The following CACNA2D3 variants were observed in gnomAD, a reference collection of about 807,000 sequenced individuals.
The protein encoded by CACNA2D3 is voltage-dependent calcium channel subunit alpha-2/delta-3.
A neutral mutation model predicts 160.6 loss-of-function variants in CACNA2D3; 60 were observed. The observed-to-expected ratio is 0.37, with a 90% CI of 0.30 to 0.46. CACNA2D3 has a LOEUF of 0.46. Ranked by LOEUF, CACNA2D3 falls within the 20% of genes least tolerant of loss-of-function variation. The probability of loss-of-function intolerance (pLI) is 1.00; values close to 1 mark genes in which losing one functional copy is unlikely to be tolerated. For missense variants in CACNA2D3, 1,205 were observed against 1,365.0 expected (o/e 0.88, Z 1.85); for synonymous variants, 558 against 492.9 (o/e 1.13, Z -1.75).
At chr3:54,810,938 A>G (rs919545118) in intron 13 of CACNA2D3, among the ~76,000 whole-genome samples, 2 of 152,266 alleles carry the variant, frequency 1.3e-5, no homozygotes, top group South Asian at 4.2e-4. Flanking sequence ...TCTTCCTCAC[A>G]TCTCCTTTGT....
chr3:54,985,875 A>G (rs1361590863), intron 30 of CACNA2D3, among the ~76,000 whole-genome samples: 6 of 152,166 alleles, frequency 3.9e-5, no homozygotes, highest in African/African-American at 1.2e-4. Context: ...TGGTTGCGCT[A>G]TTGAGACTCA....
intron 2 of CACNA2D3, among the ~76,000 whole-genome samples, chr3:54,293,436 G>A (rs1251251430): frequency 1.3e-5 from 2 of 152,078 alleles, no homozygotes; most frequent in Admixed American, 6.6e-5. Flanking sequence ...CCATTTATGA[G>A]TGAGAACATA....
At chr3:54,213,737 A>G (rs1220476291) in intron 2 of CACNA2D3, among the ~76,000 whole-genome samples, 1 of 152,236 alleles carries the variant, frequency 6.6e-6, no homozygotes, top group Non-Finnish European at 1.5e-5. Flanking sequence ...TTCTAATACT[A>G]GGAAAAGATA....
chr3:54,255,613 G>A (rs571449864), intron 2 of CACNA2D3, among the ~76,000 whole-genome samples: 10 of 152,030 alleles, frequency 6.6e-5, no homozygotes, highest in Non-Finnish European at 1.3e-4. Flanking sequence ...TCCTTTGCTT[G>A]CAAGTCCAGC....
intron 27 of CACNA2D3, among the ~76,000 whole-genome samples, chr3:54,900,198 G>A (rs1472748372): frequency 6.6e-6 from 1 of 152,164 alleles, no homozygotes; most frequent in Non-Finnish European, 1.5e-5. Flanking sequence ...CAGCTTCTGT[G>A]TCATTAGGAT....
At chr3:54,816,792 T>A in intron 13 of CACNA2D3, 61 bp from the exon 14 acceptor site, 1 of 1,581,374 alleles carries the variant, frequency 6.3e-7, no homozygotes. Flanking sequence ...GCTTTACCAT[T>A]AATTACTTAT....
chr3:54,626,502 C>T, intron 9 of CACNA2D3: 2 of 1,607,906 alleles, frequency 1.2e-6, no homozygotes, highest in Middle Eastern at 1.7e-4. Context: ...TGGGCGTCTA[C>T]AACGGCAAGA....
At chr3:54,938,457 A>C (rs1320598358) in intron 27 of CACNA2D3, among the ~76,000 whole-genome samples, 1 of 152,186 alleles carries the variant, frequency 6.6e-6, no homozygotes, top group African/African-American at 2.4e-5. Context: ...GCACCATGCT[A>C]ACATAATCCT....
intron 2 of CACNA2D3, among the ~76,000 whole-genome samples, chr3:54,314,249 T>C (rs1389383021): frequency 1.3e-5 from 2 of 152,244 alleles, no homozygotes; most frequent in Non-Finnish European, 2.9e-5. Flanking sequence ...TCCCTATTTA[T>C]GGCTGAATAA....
At chr3:54,342,343 A>G (rs1698372842) in intron 3 of CACNA2D3, among the ~76,000 whole-genome samples, 1 of 152,198 alleles carries the variant, frequency 6.6e-6, no homozygotes, top group Admixed American at 6.5e-5. Context: ...TGAGTTAGTA[A>G]TAGAAATCTA....
chr3:54,565,507 T>G (rs776284999), intron 6 of CACNA2D3, among the ~76,000 whole-genome samples: 8 of 152,170 alleles, frequency 5.3e-5, no homozygotes, highest in Non-Finnish European at 2.9e-5. Flanking sequence ...GTAACTCTCT[T>G]GTGTCTCTCA....
At chr3:54,524,568 A>T (rs181614003) in intron 5 of CACNA2D3, among the ~76,000 whole-genome samples, 1 of 152,170 alleles carries the variant, frequency 6.6e-6, no homozygotes, top group African/African-American at 2.4e-5. Context: ...TTTACTCTGT[A>T]TTCAAAGTGA....
intron 4 of CACNA2D3, among the ~76,000 whole-genome samples, chr3:54,401,517 A>C (rs1180564897): frequency 6.6e-6 from 1 of 152,218 alleles, no homozygotes; most frequent in Non-Finnish European, 1.5e-5. Context: ...GTGTCAGGTC[A>C]CATATAAGGG....
chr3:54,418,470 T>C (rs903596825), intron 4 of CACNA2D3, among the ~76,000 whole-genome samples: 3 of 152,008 alleles, frequency 2.0e-5, no homozygotes, highest in Non-Finnish European at 2.9e-5. Flanking sequence ...GAAATCCAGG[T>C]CAAGAAGAAT....
At chr3:54,192,181 C>T (rs1700996895) in intron 2 of CACNA2D3, among the ~76,000 whole-genome samples, 1 of 151,874 alleles carries the variant, frequency 6.6e-6, no homozygotes, top group African/African-American at 2.4e-5. Flanking sequence ...GTCCTTCATC[C>T]TCCCACTTCC....
At chr3:54,306,128 T>A (rs1052330971) in intron 2 of CACNA2D3, among the ~76,000 whole-genome samples, 67 of 152,166 alleles carry the variant, frequency 4.4e-4, no homozygotes, top group African/African-American at 1.6e-3. Context: ...TGAGGAGGGG[T>A]CCATGGGCTT....
At position 54,230,749 on chromosome 3, in the gene CACNA2D3, G is replaced by A. The variant is rs867570253; in HGVS notation, c.205-89693G>A. Among the ~76,000 whole-genome samples, 6 of 152,250 alleles carry A rather than the reference G, an allele frequency of 3.9e-5. 1 individual carries two copies. Among genetic ancestry groups the A allele is most frequent in the East Asian group, 1.9e-4 (1 of 5,186 alleles). On this transcript the variant is annotated intron_variant, in intron 2 of 37. Coordinates refer to ENST00000474759, the MANE Select transcript of CACNA2D3 (RefSeq NM_018398.3). ...TTTTGCCAAGGAATCTAGATATGAC[G>A]TTTTTATTTCAACAATATTTTATAT...
chr3:54,550,831 A>G (rs1471174651), intron 5 of CACNA2D3, among the ~76,000 whole-genome samples: 1 of 152,102 alleles, frequency 6.6e-6, no homozygotes, highest in Admixed American at 6.5e-5. Flanking sequence ...GAGAGCTTCA[A>G]CAGCTGGCAC....
intron 2 of CACNA2D3, among the ~76,000 whole-genome samples, chr3:54,269,703 A>G (rs1702583201): frequency 6.6e-6 from 1 of 152,212 alleles, no homozygotes; most frequent in African/African-American, 2.4e-5. Flanking sequence ...TGCTGTCTGG[A>G]CCAGGTGTCC....
Sources: allele counts gnomAD v4.1 joint callset (sites outside exome capture counted in the v4.1 genomes callset), GRCh38; gene constraint gnomAD v4.1.1; transcripts MANE v1.5; gene names NCBI Gene and HGNC (gene_info 2026-07-23, HGNC 2026-07-21).